Variants in CCR3 observed in about 807,000 individuals in gnomAD.
CCR3 encodes the protein C-C chemokine receptor type 3.
For missense variants in CCR3, 419 were observed against 437.5 expected, an observed-to-expected ratio of 0.96 and a Z score of 0.38; for synonymous variants, 203 against 179.2, an observed-to-expected ratio of 1.13 and a Z score of -1.06.
At chr3:46,259,389 TATTTCTGTGATATACAAC>T (rs1700483399) in intron 1 of CCR3, among the ~76,000 whole-genome samples, 1 of 152,194 alleles carries the variant, frequency 6.6e-6, no homozygotes, top group South Asian at 2.1e-4. Flanking sequence ...GAAATTTGGT[TATTTCTGTGATATACAAC>T]ATTTTGGCTG....
chr3:46,246,557 A>C (rs777836670), intron 1 of CCR3, among the ~76,000 whole-genome samples: 1 of 152,116 alleles, frequency 6.6e-6, no homozygotes, highest in South Asian at 2.1e-4. Flanking sequence ...TCATCACTTA[A>C]GGCAAGGACC....
At chr3:46,264,230 G>T (rs1253555251) in intron 1 of CCR3, 4 of 597,412 alleles carry the variant, frequency 6.7e-6, no homozygotes, top group South Asian at 3.8e-5. Context: ...GCTCCCAGGG[G>T]TTTGCTTTTT....
At chr3:46,259,684 A>G (rs1013050660) in intron 1 of CCR3, among the ~76,000 whole-genome samples, 1 of 152,174 alleles carries the variant, frequency 6.6e-6, no homozygotes, top group Admixed American at 6.5e-5. Context: ...AGGTTTTTCC[A>G]GAGGCTCTCT....
At chr3:46,263,222 T>G (rs894473287) in intron 1 of CCR3, among the ~76,000 whole-genome samples, 2 of 152,238 alleles carry the variant, frequency 1.3e-5, no homozygotes, top group Non-Finnish European at 2.9e-5. Context: ...TAAATCACTC[T>G]TGGAGAAAAA....
At chr3:46,255,172 C>T (rs905426372) in intron 1 of CCR3, among the ~76,000 whole-genome samples, 1 of 151,772 alleles carries the variant, frequency 6.6e-6, no homozygotes, top group Non-Finnish European at 1.5e-5. Flanking sequence ...TTCATATGTT[C>T]GTTGGCTATT....
chr3:46,244,445 C>A (rs558951602), intron 1 of CCR3, among the ~76,000 whole-genome samples: 1 of 152,254 alleles, frequency 6.6e-6, no homozygotes, highest in African/African-American at 2.4e-5. Context: ...CACCTGGGTG[C>A]AGGCAGGCTG....
upstream of CCR3, among the ~76,000 whole-genome samples, chr3:46,240,853 G>C (rs1700074292): frequency 6.6e-6 from 1 of 152,162 alleles, no homozygotes; most frequent in African/African-American, 2.4e-5. Flanking sequence ...CCTATTAAGC[G>C]GTAAAGGTAG....
chr3:46,221,069 A>T (rs1340648113), intron 2 of CCR3, among the ~76,000 whole-genome samples: 3 of 152,248 alleles, frequency 2.0e-5, no homozygotes, highest in African/African-American at 7.2e-5. Flanking sequence ...CTCTGTTATT[A>T]TGGTTACCTA....
intron 2 of CCR3, among the ~76,000 whole-genome samples, chr3:46,233,410 C>A (rs1050569324): frequency 2.6e-5 from 4 of 152,184 alleles, no homozygotes; most frequent in Non-Finnish European, 5.9e-5. Flanking sequence ...AAGGTTGTGG[C>A]TTGACCTATG....
intron 1 of CCR3, among the ~76,000 whole-genome samples, chr3:46,251,071 C>T (rs1291243536): frequency 6.6e-6 from 1 of 151,726 alleles, no homozygotes; most frequent in Non-Finnish European, 1.5e-5. Flanking sequence ...ACTTGCCCCT[C>T]CCCCAGAAAA....
rs747280638 is a variant in CCR3, at chr3:46,260,212, G to A, written c.-11-4936G>A. Among the ~76,000 whole-genome samples, 11 of 152,232 alleles carry A rather than the reference G, an allele frequency of 7.2e-5. No individual in the cohort carries two copies. The East Asian group carries it at 1.5e-3, about 21-fold the overall frequency. On this transcript the variant is annotated intron_variant, in intron 1 of 1. Coordinates refer to ENST00000395940, the MANE Select transcript of CCR3 (RefSeq NM_178329.3). ...ATGGGGATTGTGGGTGTTACAATTCGAGATGAGATTTGGGTGGGGACACAG... is the reference window on the plus strand; with the variant it reads ...ATGGGGATTGTGGGTGTTACAATTCAAGATGAGATTTGGGTGGGGACACAG...
At chr3:46,247,088 A>C (rs1277120908) in intron 1 of CCR3, among the ~76,000 whole-genome samples, 1 of 152,190 alleles carries the variant, frequency 6.6e-6, no homozygotes, top group African/African-American at 2.4e-5. Flanking sequence ...GAGAGTGCCT[A>C]AGGAGATTCA....
upstream of CCR3, among the ~76,000 whole-genome samples, chr3:46,240,839 T>C (rs566124805): frequency 6.6e-6 from 1 of 152,326 alleles, no homozygotes; most frequent in East Asian, 1.9e-4. Context: ...CCCACGGTGA[T>C]ATCCCTATTA....
intron 1 of CCR3, among the ~76,000 whole-genome samples, chr3:46,262,778 C>A (rs1046520391): frequency 6.6e-6 from 1 of 152,152 alleles, no homozygotes; most frequent in East Asian, 1.9e-4. Context: ...CCTCAGCCCC[C>A]CAAGTAGTTG....
chr3:46,257,296 A>G (rs754259594), intron 1 of CCR3, among the ~76,000 whole-genome samples: 2 of 152,166 alleles, frequency 1.3e-5, no homozygotes, highest in Non-Finnish European at 2.9e-5. Flanking sequence ...TATGCTGTCC[A>G]TTTAAAAGTC....
In CCR3 at chr3:46,233,836, C is replaced by T. The variant is rs527752423; in HGVS notation, c.-67-8566C>T. Among the ~76,000 whole-genome samples the T allele has an allele frequency of 4.6e-5, 7 of 152,316 alleles. No homozygotes were observed. The South Asian group carries it at 6.2e-4, about 14-fold the overall frequency. The stretch of plus-strand genomic sequence containing the variant: ...TCTTCTTCAGACGGCAGTACCATGC[C>T]GGAAAACAGAGCACCATGTGGCTAG... On this transcript the variant is annotated intron_variant, in intron 2 of 3. Transcript: ENST00000357422.
chr3:46,228,256 C>A lies in CCR3; in HGVS notation c.-67-14146C>A, dbSNP rs114912957. On this transcript the variant is annotated intron_variant, in intron 2 of 3. Coordinates refer to the CCR3 transcript ENST00000357422. ...TCCTAGATCTTACATTGTACGCACA[C>A]CCCCTCCCACTCTCTCTATCCCTGT... 3.3e-3 allele frequency among the ~76,000 whole-genome samples: 503 copies of A among 151,998 alleles called. 4 individuals carry two copies. Among genetic ancestry groups the A allele is most frequent in the African/African-American group, 0.011 (472 of 41,448 alleles).
intron 2 of CCR3, among the ~76,000 whole-genome samples, chr3:46,220,063 G>A (rs1235623510): frequency 2.6e-5 from 4 of 152,202 alleles, no homozygotes; most frequent in South Asian, 2.1e-4. Flanking sequence ...AACCCACAGA[G>A]TGGGAGAAAA....
chr3:46,219,881 A>C (rs1036447806), intron 2 of CCR3, among the ~76,000 whole-genome samples: 8 of 152,238 alleles, frequency 5.3e-5, no homozygotes, highest in Non-Finnish European at 7.3e-5. Flanking sequence ...TGAAACCATG[A>C]AAAGTCTAGA....
Sources: gnomAD v4.1 joint callset for allele counts (sites outside exome capture counted in the v4.1 genomes callset) on GRCh38, gnomAD v4.1.1 for gene constraint, MANE v1.5 for transcripts, NCBI Gene and HGNC (gene_info 2026-07-23, HGNC 2026-07-21) for gene names.